ZFHX3: variants seen among roughly 807,000 people sequenced by gnomAD.
ZFHX3 encodes zinc finger homeobox protein 3.
Under a neutral mutation model 279.1 loss-of-function variants are expected in ZFHX3, and 42 were observed. That is an observed-to-expected ratio of 0.15 (90% CI 0.12 to 0.19). The LOEUF (loss-of-function observed/expected upper bound fraction) is 0.19. Ranked by LOEUF, ZFHX3 falls within the 10% of genes least tolerant of loss-of-function variation. The pLI is 1.00. For missense variants in ZFHX3, 4,981 were observed against 4,754.0 expected, an observed-to-expected ratio of 1.05 and a Z score of -1.40; for synonymous variants, 2,293 against 1,957.8, an observed-to-expected ratio of 1.17 and a Z score of -4.52.
chr16:73,153,181 T>C (rs187863937), intron 5 of ZFHX3, among the ~76,000 whole-genome samples: 1 of 152,198 alleles, frequency 6.6e-6, no homozygotes, highest in Non-Finnish European at 1.5e-5. Context: ...GAAGCCTGGA[T>C]GTTCATTCCC....
chr16:73,147,142 T>C (rs1010927820), intron 5 of ZFHX3, among the ~76,000 whole-genome samples: 10 of 152,200 alleles, frequency 6.6e-5, no homozygotes, highest in African/African-American at 2.2e-4. Context: ...GCCAATATGG[T>C]ATGATGGCAT....
At chr16:73,816,900 A>G (rs142187475) in intron 1 of ZFHX3, among the ~76,000 whole-genome samples, 117 of 152,310 alleles carry the variant, frequency 7.7e-4, no homozygotes, top group African/African-American at 2.7e-3. Context: ...GAGAGAGTTG[A>G]CAAAACAGAA....
chr16:73,551,583 T>C (rs2020205002), intron 2 of ZFHX3, among the ~76,000 whole-genome samples: 1 of 152,224 alleles, frequency 6.6e-6, no homozygotes, highest in Non-Finnish European at 1.5e-5. Flanking sequence ...AGAGTTCATA[T>C]TCTTTGTTTC....
At chr16:72,925,086 A>G (rs11864105) in intron 3 of ZFHX3, among the ~76,000 whole-genome samples, 45,552 of 152,146 alleles carry the variant, frequency 0.3, 7,199 homozygotes, top group African/African-American at 0.36. Context: ...TGCCAATGCC[A>G]GTGATACCTG....
intron 7 of ZFHX3, among the ~76,000 whole-genome samples, chr16:72,801,646 G>A (rs1208910397): frequency 1.3e-5 from 2 of 152,212 alleles, no homozygotes; most frequent in African/African-American, 4.8e-5. Flanking sequence ...TGTGGCAGGT[G>A]AATGTGTGTG....
At chr16:72,906,963 G>C (rs998638132) in intron 3 of ZFHX3, among the ~76,000 whole-genome samples, 1 of 152,218 alleles carries the variant, frequency 6.6e-6, no homozygotes, top group African/African-American at 2.4e-5. Context: ...CATGCTACAA[G>C]TTTTTATGTG....
intron 3 of ZFHX3, among the ~76,000 whole-genome samples, chr16:73,385,879 A>G (rs2016892875): frequency 6.6e-6 from 1 of 152,058 alleles, no homozygotes; most frequent in African/African-American, 2.4e-5. Context: ...TTCTCCCAGC[A>G]GGGTATGATA....
chr16:73,890,444 T>C (rs1446904003), intron 1 of ZFHX3, among the ~76,000 whole-genome samples: 1 of 152,170 alleles, frequency 6.6e-6, no homozygotes, highest in Non-Finnish European at 1.5e-5. Context: ...GGTTTTGTTA[T>C]TAAAGGGAGA....
At chr16:73,278,832 C>T (rs1204602418) in intron 4 of ZFHX3, among the ~76,000 whole-genome samples, 1 of 152,102 alleles carries the variant, frequency 6.6e-6, no homozygotes, top group African/African-American at 2.4e-5. Flanking sequence ...GTGCATTTTA[C>T]AATCCCCTTG....
At chr16:73,610,468 T>C (rs533319347) in intron 2 of ZFHX3, among the ~76,000 whole-genome samples, 1 of 152,308 alleles carries the variant, frequency 6.6e-6, no homozygotes, top group Non-Finnish European at 1.5e-5. Context: ...TTCATACATT[T>C]CTTGCTCTGA....
At chr16:73,117,128 T>TG (rs1966441988) in intron 7 of ZFHX3, among the ~76,000 whole-genome samples, 1 of 152,254 alleles carries the variant, frequency 6.6e-6, no homozygotes, top group South Asian at 2.1e-4. Flanking sequence ...ATTAGTGGAC[T>TG]ATAAACTCAA....
chr16:73,267,730 C>T lies in ZFHX3; in HGVS notation c.-1193-10594G>A, dbSNP rs558789366. ...GTGACTGGGCTAGACCTTGAGGGGA[C>T]GCTGGGCTAGACCAGTTTATCCCAG... On this transcript the variant is annotated intron_variant, in intron 4 of 17. Transcript: ENST00000641206. Among the ~76,000 whole-genome samples the T allele has an allele frequency of 9.1e-4, 139 of 152,250 alleles. 1 individual carries two copies. Among genetic ancestry groups the T allele is most frequent in the African/African-American group, 3.2e-3 (132 of 41,536 alleles).
intron 2 of ZFHX3, among the ~76,000 whole-genome samples, chr16:73,664,895 T>C (rs1389672510): frequency 2.6e-5 from 4 of 152,242 alleles, no homozygotes. Flanking sequence ...ACTTAGTTAA[T>C]GCATTTCCAT....
chr16:73,049,047 A>C (rs1965400879), upstream of ZFHX3, among the ~76,000 whole-genome samples: 1 of 152,158 alleles, frequency 6.6e-6, no homozygotes, highest in Non-Finnish European at 1.5e-5. Flanking sequence ...AGTTGGTCAA[A>C]GTGATTGCTG....
chr16:73,466,253 A>C (rs541071783), intron 2 of ZFHX3, among the ~76,000 whole-genome samples: 1 of 152,106 alleles, frequency 6.6e-6, no homozygotes, highest in Non-Finnish European at 1.5e-5. Context: ...AGGCCAAGGC[A>C]GTTGGATCCA....
intron 5 of ZFHX3, among the ~76,000 whole-genome samples, chr16:73,222,131 T>A (rs1051696417): frequency 3.9e-5 from 6 of 152,104 alleles, no homozygotes; most frequent in Non-Finnish European, 7.4e-5. Flanking sequence ...ATGTAGTCAC[T>A]TCTAGTTATA....
At chr16:73,433,006 G>A (rs1420158937) in intron 3 of ZFHX3, among the ~76,000 whole-genome samples, 1 of 152,154 alleles carries the variant, frequency 6.6e-6, no homozygotes, top group East Asian at 1.9e-4. Flanking sequence ...ATAACTCCTG[G>A]CCAAGCCACA....
chr16:72,966,754 T>TCCCC (rs1213547425), intron 1 of ZFHX3, among the ~76,000 whole-genome samples: 9 of 152,100 alleles, frequency 5.9e-5, no homozygotes, highest in Non-Finnish European at 1.5e-5. Flanking sequence ...GGCAAGTGGG[T>TCCCC]TTGGTTCTAT....
chr16:73,032,090 C>T (rs1285719505), intron 1 of ZFHX3, among the ~76,000 whole-genome samples: 1 of 152,138 alleles, frequency 6.6e-6, no homozygotes, highest in African/African-American at 2.4e-5. Flanking sequence ...CCTGTAATTG[C>T]AGCACTTTGG....
Sources: allele counts gnomAD v4.1 joint callset (sites outside exome capture counted in the v4.1 genomes callset), GRCh38; gene constraint gnomAD v4.1.1; transcripts MANE v1.5; gene names NCBI Gene and HGNC (gene_info 2026-07-23, HGNC 2026-07-21).